TP63: variants seen among roughly 807,000 people sequenced by gnomAD.
The protein encoded by TP63 is tumor protein 63.
In TP63, 17 loss-of-function variants were observed where a neutral mutation model predicts 82.8. That is an observed-to-expected ratio of 0.21 (90% CI 0.14 to 0.31). The LOEUF (loss-of-function observed/expected upper bound fraction) is 0.31. Among genes scored for constraint, TP63 ranks in the 10% least tolerant of loss-of-function variants. The pLI, the probability that TP63 is intolerant of heterozygous loss-of-function variation, is 1.00. For synonymous variants in TP63, 330 were observed against 321.7 expected, an observed-to-expected ratio of 1.03 and a Z score of -0.28; for missense variants, 648 against 895.3, an observed-to-expected ratio of 0.72 and a Z score of 3.52.
At chr3:189,794,180 TAGA>T (rs1316730231) in intron 3 of TP63, among the ~76,000 whole-genome samples, 6 of 152,016 alleles carry the variant, frequency 3.9e-5, no homozygotes, top group Non-Finnish European at 7.4e-5. Context: ...AGAAACAGGT[TAGA>T]AGAAGAACTG....
chr3:189,730,831 G>T (rs1314927504), intron 1 of TP63, among the ~76,000 whole-genome samples: 1 of 152,168 alleles, frequency 6.6e-6, no homozygotes, highest in African/African-American at 2.4e-5. Flanking sequence ...GCATCAATGA[G>T]CTTCTGGTCT....
chr3:189,768,403 G>A (rs1301016756), intron 3 of TP63, among the ~76,000 whole-genome samples: 3 of 152,020 alleles, frequency 2.0e-5, no homozygotes, highest in Non-Finnish European at 4.4e-5. Flanking sequence ...TATTTTGGTA[G>A]CGATGTTATT....
chr3:189,735,850 T>C (rs1463072526), intron 1 of TP63, among the ~76,000 whole-genome samples: 1 of 152,092 alleles, frequency 6.6e-6, no homozygotes, highest in Non-Finnish European at 1.5e-5. Context: ...CACACACATA[T>C]ATATATACCC....
intron 3 of TP63, among the ~76,000 whole-genome samples, chr3:189,742,444 C>T (rs1331117654): frequency 6.6e-6 from 1 of 151,546 alleles, no homozygotes. Flanking sequence ...AAACTTTGAA[C>T]CCTTTTAACC....
intron 1 of TP63, among the ~76,000 whole-genome samples, chr3:189,664,997 CTG>C (rs1187684841): frequency 6.6e-6 from 1 of 152,076 alleles, no homozygotes; most frequent in African/African-American, 2.4e-5. Flanking sequence ...AAAAAATAAA[CTG>C]TATAGACTTA....
chr3:189,755,075 A>T (rs1722091085), intron 3 of TP63, among the ~76,000 whole-genome samples: 1 of 152,150 alleles, frequency 6.6e-6, no homozygotes, highest in Non-Finnish European at 1.5e-5. Context: ...CGACCTTTAC[A>T]ATCTTTATGA....
At position 189,808,645 on chromosome 3, in the gene TP63, G is replaced by A. The variant is rs187560740; in HGVS notation, c.579+119G>A. 60 of 1,572,782 alleles carry A rather than the reference G, an allele frequency of 3.8e-5. No homozygotes were observed. The East Asian group carries it at 1.1e-3, about 28-fold the overall frequency. On this transcript the variant is annotated intron_variant, in intron 4 of 13. Coordinates refer to ENST00000264731, the MANE Select transcript of TP63 (RefSeq NM_003722.5). ...ATTCCATGTTCATGGTGGAAAATTT[G>A]TCTTTGAATATTTAATACTGAACCA...
chr3:189,670,893 A>G (rs1714832258), intron 1 of TP63, among the ~76,000 whole-genome samples: 2 of 152,102 alleles, frequency 1.3e-5, no homozygotes, highest in Admixed American at 6.6e-5. Flanking sequence ...CTCAAAATGA[A>G]TGAAAACTTA....
chr3:189,660,977 G>A (rs1314649761), intron 1 of TP63, among the ~76,000 whole-genome samples: 1 of 151,916 alleles, frequency 6.6e-6, no homozygotes, highest in Admixed American at 6.6e-5. Flanking sequence ...AAAGCCTTTT[G>A]GTGGAGTCTT....
chr3:189,742,247 A>C (rs1721046348), intron 3 of TP63, among the ~76,000 whole-genome samples: 1 of 44,984 alleles, frequency 2.2e-5, no homozygotes, highest in South Asian at 5.6e-4. Flanking sequence ...CCATCCCAAA[A>C]AAAAAAAAAA....
intron 1 of TP63, among the ~76,000 whole-genome samples, chr3:189,634,120 C>T (rs1464524686): frequency 5.3e-5 from 8 of 151,904 alleles, no homozygotes; most frequent in Admixed American, 4.6e-4. Flanking sequence ...TGGGTTTGAG[C>T]TGGTTTTTGT....
chr3:189,863,197 T>C (rs371547759), intron 4 of TP63, among the ~76,000 whole-genome samples: 10 of 151,968 alleles, frequency 6.6e-5, no homozygotes, highest in African/African-American at 2.4e-4. Context: ...ATCCTTTGTT[T>C]GGATACATGT....
At chr3:189,889,614 AT>A in intron 12 of TP63, 130 bp downstream of exon 12, 1 of 1,243,716 alleles carries the variant, frequency 8.0e-7, no homozygotes, top group Non-Finnish European at 1.2e-6. Flanking sequence ...TTCAGTCACT[AT>A]TATCTCTGAT....
chr3:189,695,975 A>G (rs61402357), intron 1 of TP63, among the ~76,000 whole-genome samples: 1 of 152,148 alleles, frequency 6.6e-6, no homozygotes, highest in African/African-American at 2.4e-5. Flanking sequence ...GTTGTTTCAT[A>G]TATTTGTAAT....
At chr3:189,862,097 A>G (rs1179740792) in intron 4 of TP63, among the ~76,000 whole-genome samples, 1 of 152,208 alleles carries the variant, frequency 6.6e-6, no homozygotes, top group African/African-American at 2.4e-5. Context: ...CTGCAGAAAT[A>G]ATGTTTGATC....
At chr3:189,789,968 C>A in intron 3 of TP63, 1 of 856,320 alleles carries the variant, frequency 1.2e-6, no homozygotes, top group Non-Finnish European at 1.6e-6. Context: ...ATATAGGAAT[C>A]TCCTTTTCTT....
At chr3:189,787,275 T>G (rs898203321) in intron 3 of TP63, among the ~76,000 whole-genome samples, 1 of 152,108 alleles carries the variant, frequency 6.6e-6, no homozygotes. Context: ...GAATATCCTC[T>G]AAATCACTTC....
intron 3 of TP63, among the ~76,000 whole-genome samples, chr3:189,795,549 G>T (rs760871848): frequency 6.6e-6 from 1 of 151,936 alleles, no homozygotes; most frequent in Non-Finnish European, 1.5e-5. Context: ...ATGTAGAGGG[G>T]ATAAAATTTA....
chr3:189,760,118 T>A (rs1216869413), intron 3 of TP63, among the ~76,000 whole-genome samples: 1 of 152,154 alleles, frequency 6.6e-6, no homozygotes, highest in East Asian at 1.9e-4. Context: ...CAAAATGAGA[T>A]TTGGGTGGGG....
Sources: allele counts gnomAD v4.1 joint callset (sites outside exome capture counted in the v4.1 genomes callset), GRCh38; gene constraint gnomAD v4.1.1; transcripts MANE v1.5; gene names NCBI Gene and HGNC (gene_info 2026-07-23, HGNC 2026-07-21).